CEP85: variants seen among roughly 807,000 people sequenced by gnomAD.
The protein encoded by CEP85 is centrosomal protein of 85 kDa.
Under a neutral mutation model 93.7 loss-of-function variants are expected in CEP85, and 58 were observed. The observed-to-expected ratio is 0.62, with a 90% CI of 0.50 to 0.77. CEP85 has a LOEUF of 0.77. Among genes scored for constraint, CEP85 ranks in the 30% least tolerant of loss-of-function variants. CEP85 has a pLI of 0.00. For synonymous variants in CEP85, 314 were observed against 338.6 expected, an observed-to-expected ratio of 0.93 and a Z score of 0.80; for missense variants, 868 against 922.0, an observed-to-expected ratio of 0.94 and a Z score of 0.76.
rs1166422439 is a variant in CEP85, at chr1:26,259,741, G to C, written c.1280G>C (p.Arg427Thr). 1.2e-6 allele frequency: 2 copies of C among 1,613,754 alleles called. No homozygotes were observed. Among genetic ancestry groups the C allele is most frequent in the Non-Finnish European group, 1.7e-6 (2 of 1,179,786 alleles). Residue 427 changes from arginine (R) to threonine (T), a missense_variant, in exon 7 of 14, where the codon AGA becomes ACA. Coordinates refer to ENST00000451429, the MANE Select transcript of CEP85 (RefSeq NM_001319944.2). ...TCTGAAGTTGAAGTCCAGCTCATCAGAGAGTCGCTCAAAGTGGCGTTGCAG... is the reference window on the plus strand; with the variant it reads ...TCTGAAGTTGAAGTCCAGCTCATCACAGAGTCGCTCAAAGTGGCGTTGCAG... ...SASEVEVQLIRESLKVALQKH... is the reference protein window; with the variant it reads ...SASEVEVQLITESLKVALQKH...
At position 26,255,603 on chromosome 1, in the gene CEP85, C is replaced by G; in HGVS notation, c.641C>G (p.Thr214Arg). Residue 214 changes from threonine to arginine, a missense_variant, in exon 4 of 14, where the codon ACA becomes AGA. By Grantham distance (71) the Thr-to-Arg change is moderately conservative. Transcript: ENST00000451429. ...CGCTTCCACAACCCAAGAACCAGCA[C>G]AAGTAAGGAGTTGTACAGAGTGTTG... ...RVRFHNPRTS[T>R]SKELYRVLPE... 1 of 1,614,098 alleles carries G rather than the reference C, an allele frequency of 6.2e-7. No homozygotes were observed.
chr1:26,251,241 C>T (rs1214632063), intron 3 of CEP85, among the ~76,000 whole-genome samples: 1 of 139,750 alleles, frequency 7.2e-6, no homozygotes, highest in Non-Finnish European at 1.5e-5. Context: ...CCGTGCCCAA[C>T]CCAAGCTTGG....
chr1:26,264,847 ACT>A (rs1229885294), intron 7 of CEP85, among the ~76,000 whole-genome samples: 1 of 151,496 alleles, frequency 6.6e-6, no homozygotes, highest in African/African-American at 2.4e-5. Flanking sequence ...CTCGCTGGAG[ACT>A]CTGGAGTTGC....
intron 11 of CEP85, among the ~76,000 whole-genome samples, chr1:26,273,510 T>A (rs1175829439): frequency 6.6e-6 from 1 of 152,200 alleles, no homozygotes; most frequent in Non-Finnish European, 1.5e-5. Context: ...TCAAAATAGG[T>A]TTCCTAGAAC....
At chr1:26,239,302 T>A (rs1440119732) in intron 1 of CEP85, among the ~76,000 whole-genome samples, 1 of 152,162 alleles carries the variant, frequency 6.6e-6, no homozygotes, top group Non-Finnish European at 1.5e-5. Context: ...TGTAAAAACA[T>A]ATTTACTCCT....
chr1:26,249,784 A>AT (rs1427914189), intron 3 of CEP85, among the ~76,000 whole-genome samples: 2 of 152,172 alleles, frequency 1.3e-5, no homozygotes, highest in African/African-American at 4.8e-5. Context: ...TAGGGGAGAG[A>AT]TTTAGAACTA....
At position 26,257,698 on chromosome 1, in the gene CEP85, C is replaced by T. The variant is rs749002521; in HGVS notation, c.1005C>T (p.His335=). The change falls in exon 5 of 14, where the codon CAC becomes CAT. Residue 335 remains histidine (H), a synonymous_variant. Coordinates refer to ENST00000451429, the MANE Select transcript of CEP85 (RefSeq NM_001319944.2). The stretch of plus-strand genomic sequence containing the variant: ...TCAGCATCTTGAACAGTAATGAACA[C>T]CTTCTGAAGGAAAAAGAGCTTCTCA... ...QWISILNSNE[H]LLKEKELLID... is the part of the protein sequence containing the mutation. The T allele has an allele frequency of 6.2e-7, 1 of 1,614,004 alleles. No individual in the cohort carries two copies. The highest frequency in any genetic ancestry group is 1.3e-5 in the African/African-American group (1 of 74,918).
intron 2 of CEP85, among the ~76,000 whole-genome samples, chr1:26,243,553 AT>A (rs1239430826): frequency 6.6e-6 from 1 of 152,136 alleles, no homozygotes; most frequent in Non-Finnish European, 1.5e-5. Flanking sequence ...GGTAGGCAAG[AT>A]TATGTTTGTA....
chr1:26,259,988 AT>A (rs1474504366), intron 7 of CEP85, among the ~76,000 whole-genome samples, 186 bp downstream of exon 7: 3 of 152,034 alleles, frequency 2.0e-5, no homozygotes, highest in Non-Finnish European at 4.4e-5. Context: ...TCCCTCCCTC[AT>A]TTTTGCTTCA....
At chr1:26,241,786 G>A (rs1361897740) in intron 2 of CEP85, among the ~76,000 whole-genome samples, 2 of 151,448 alleles carry the variant, frequency 1.3e-5, no homozygotes, top group Admixed American at 6.6e-5. Flanking sequence ...TTTGGAGACG[G>A]AGTCTTGTTC....
rs2089288362 is a variant in CEP85 at position 26,234,303 on chromosome 1, AGGCCC to A, written c.-28_-24del. The A allele has an allele frequency of 6.6e-6, 1 of 152,384 alleles. No homozygotes were observed. The highest frequency in any genetic ancestry group is 6.5e-5 in the Admixed American group (1 of 15,304). 9.4% of individuals were successfully genotyped at this position (152,384 alleles called of 1,614,324 possible). On this transcript the variant is annotated splice_region_variant and 5_prime_UTR_variant, in exon 1 of 14. Transcript: ENST00000451429. Reference sequence around the variant, plus strand: ...GTGAGGGATTTCGCCGCCCGCTTTCAGGCCCGTGTAAGTTTTCCTCCTTCGGGAGC... The same window carrying A: ...GTGAGGGATTTCGCCGCCCGCTTTCAGTGTAAGTTTTCCTCCTTCGGGAGC...
At chr1:26,251,181 G>C (rs752960119) in intron 3 of CEP85, among the ~76,000 whole-genome samples, 1 of 150,280 alleles carries the variant, frequency 6.7e-6, no homozygotes, top group Non-Finnish European at 1.5e-5. Flanking sequence ...GACCTCAAAT[G>C]ATCCGCTTGC....
Position 26,259,636 on chromosome 1 carries a change from CT to C in CEP85, c.1178del (p.Phe393SerfsTer13), listed in dbSNP as rs774561850. 1 of 1,608,894 alleles carries C rather than the reference CT, an allele frequency of 6.2e-7. No individual in the cohort carries two copies. The highest frequency in any genetic ancestry group is 8.5e-7 in the Non-Finnish European group (1 of 1,177,922). ...LRLQELQRENTFLRAQFAQKT... is the reference protein window; with the variant it reads ...LRLQELQRENXFLRAQFAQKT... ...TGGCAGGAATTGCAGCGAGAAAACACTTTCTTACGTGCACAGTTTGCACAGA... is the reference window on the plus strand; with the variant it reads ...TGGCAGGAATTGCAGCGAGAAAACACTTCTTACGTGCACAGTTTGCACAGA... On this transcript the variant is annotated frameshift_variant, in exon 7 of 14. Transcript: ENST00000451429. LOFTEE classifies it high-confidence loss of function.
chr1:26,259,849 C>T, intron 7 of CEP85, 47 bp downstream of exon 7: 5 of 1,490,030 alleles, frequency 3.4e-6, no homozygotes, highest in Non-Finnish European at 4.6e-6. Flanking sequence ...AGTTGGCAGT[C>T]AGCTGTCTAC....
rs1022599314 is a variant in CEP85, at chr1:26,253,537, G to A, written c.209-1634G>A. On this transcript the variant is annotated intron_variant, in intron 3 of 13. Coordinates refer to ENST00000451429, the MANE Select transcript of CEP85 (RefSeq NM_001319944.2). ...CCCGAATAGCTGGGACTACAGGCGC[G>A]TGCCACCATACCTGGCTAATATTTT... 2.3e-4 allele frequency among the ~76,000 whole-genome samples: 35 copies of A among 151,558 alleles called. 1 individual carries two copies. The highest frequency in any genetic ancestry group is 6.6e-4 in the Admixed American group (10 of 15,192).
chr1:26,273,771 C>T (rs1006222214), intron 11 of CEP85, among the ~76,000 whole-genome samples: 19 of 152,000 alleles, frequency 1.3e-4, no homozygotes, highest in Admixed American at 3.3e-4. Context: ...GTGTCATGCA[C>T]CTGTAGTCCC....
intron 11 of CEP85, 126 bp downstream of exon 11, chr1:26,272,197 C>T (rs1226293410): frequency 1.1e-6 from 1 of 891,810 alleles, no homozygotes; most frequent in East Asian, 2.6e-5. Context: ...AAGAATGAGA[C>T]CCAGTCAGTG....
At chr1:26,239,291 A>G (rs974337874) in intron 1 of CEP85, among the ~76,000 whole-genome samples, 11 of 152,246 alleles carry the variant, frequency 7.2e-5, no homozygotes, top group African/African-American at 2.7e-4. Flanking sequence ...GAAGTAAAAC[A>G]TGTAAAAACA....
At position 26,255,796 on chromosome 1, in the gene CEP85, G is replaced by C. The variant is rs770046964; in HGVS notation, c.834G>C (p.Glu278Asp). The change falls in exon 4 of 14, where the codon GAG becomes GAC. Residue 278 changes from glutamate to aspartate, a missense_variant. Physicochemically the swap from Glu to Asp is conservative, Grantham distance 45. Transcript: ENST00000451429. ...QPSPDTWHPR[E>D]QSCELSTCRQ... ...GTCCTGACACTTGGCATCCCCGAGA[G>C]CAATCTTGTGAACTCAGCACTTGTC... The C allele has an allele frequency of 7.4e-6, 12 of 1,614,166 alleles. No individual in the cohort carries two copies. The highest frequency in any genetic ancestry group is 1.0e-5 in the Non-Finnish European group (12 of 1,180,026).
Sources: gnomAD v4.1 joint callset for allele counts (sites outside exome capture counted in the v4.1 genomes callset) on GRCh38, gnomAD v4.1.1 for gene constraint, MANE v1.5 for transcripts, NCBI Gene and HGNC (gene_info 2026-07-23, HGNC 2026-07-21) for gene names.